Variants in MEI4 observed in about 807,000 individuals in gnomAD.
MEI4 encodes the protein meiosis-specific protein MEI4.
In MEI4, 27 loss-of-function variants were observed where a neutral mutation model predicts 31.4. That is an observed-to-expected ratio of 0.86 (90% confidence interval 0.63 to 1.19). The LOEUF is 1.19. Among genes scored for constraint, MEI4 ranks in the 50% most tolerant of loss-of-function variants. MEI4 has a pLI of 0.00. For synonymous variants in MEI4, 122 were observed against 145.4 expected, an observed-to-expected ratio of 0.84 and a Z score of 1.16; for missense variants, 329 against 398.9, an observed-to-expected ratio of 0.82 and a Z score of 1.49.
Position 77,830,683 on chromosome 6 carries a change from G to A in MEI4, c.900+1621G>A, listed in dbSNP as rs1770056829. On this transcript the variant is annotated intron_variant, in intron 4 of 4. Transcript: ENST00000684080. ...GGCAGTATTTAATAATTGGTGCCAG[G>A]AAAACTGGATATCCATATGCAAAAG... Among the ~76,000 whole-genome samples, 5 of 152,060 alleles carry A rather than the reference G, an allele frequency of 3.3e-5. No individual in the cohort carries two copies. The South Asian group carries it at 8.3e-4, about 25-fold the overall frequency.
chr6:77,885,686 T>C (rs890011806), intron 4 of MEI4, among the ~76,000 whole-genome samples: 3 of 152,210 alleles, frequency 2.0e-5, no homozygotes, highest in African/African-American at 7.2e-5. Context: ...TTGCTCTGTC[T>C]AGAACTTCCA....
chr6:77,778,544 T>A (rs935182248), intron 3 of MEI4, among the ~76,000 whole-genome samples: 26 of 151,296 alleles, frequency 1.7e-4, no homozygotes, highest in African/African-American at 6.3e-4. Flanking sequence ...CTACTAAAAA[T>A]ACAAAAAAAT....
At chr6:77,780,945 G>C (rs1352657352) in intron 3 of MEI4, among the ~76,000 whole-genome samples, 1 of 151,986 alleles carries the variant, frequency 6.6e-6, no homozygotes, top group Non-Finnish European at 1.5e-5. Flanking sequence ...GAAGTGCAGT[G>C]GTGTGATCAT....
chr6:77,741,304 T>C (rs1457098434), intron 2 of MEI4, among the ~76,000 whole-genome samples: 1 of 152,166 alleles, frequency 6.6e-6, no homozygotes, highest in Non-Finnish European at 1.5e-5. Context: ...AACTCTGTCC[T>C]GTAAGGTATG....
At chr6:77,709,926 G>T (rs373613955) in intron 2 of MEI4, among the ~76,000 whole-genome samples, 1 of 152,102 alleles carries the variant, frequency 6.6e-6, no homozygotes, top group African/African-American at 2.4e-5. Context: ...TTTGTCTTCC[G>T]AGCAGAAATC....
At chr6:77,866,425 A>G (rs1205403355) in intron 4 of MEI4, among the ~76,000 whole-genome samples, 1 of 152,212 alleles carries the variant, frequency 6.6e-6, no homozygotes, top group Non-Finnish European at 1.5e-5. Flanking sequence ...AAGCATTCTT[A>G]TACACCAATA....
chr6:77,825,782 TCA>T (rs371665881), intron 3 of MEI4, among the ~76,000 whole-genome samples: 12 of 152,354 alleles, frequency 7.9e-5, no homozygotes, highest in African/African-American at 2.9e-4. Flanking sequence ...CTTGATCTAC[TCA>T]CAGTATCTGT....
intron 1 of MEI4, among the ~76,000 whole-genome samples, chr6:77,659,033 A>T (rs1399258441): frequency 7.2e-5 from 11 of 152,250 alleles, no homozygotes; most frequent in South Asian, 4.1e-4. Flanking sequence ...GCAGCTAAAG[A>T]GTCAACTTGG....
intron 3 of MEI4, among the ~76,000 whole-genome samples, chr6:77,777,403 G>A (rs1768479033): frequency 6.6e-6 from 1 of 152,170 alleles, no homozygotes; most frequent in Non-Finnish European, 1.5e-5. Flanking sequence ...GGTCAGAAAT[G>A]TGCTTTGGAA....
intron 3 of MEI4, among the ~76,000 whole-genome samples, chr6:77,821,383 G>T (rs1769820180): frequency 1.3e-5 from 2 of 152,098 alleles, no homozygotes; most frequent in Non-Finnish European, 2.9e-5. Context: ...GAGTGGTTTT[G>T]TATTTGCATC....
intron 2 of MEI4, among the ~76,000 whole-genome samples, chr6:77,698,438 C>T (rs1766115709): frequency 6.6e-6 from 1 of 152,156 alleles, no homozygotes; most frequent in Non-Finnish European, 1.5e-5. Context: ...GTGCTTCCTT[C>T]AGGAGCTCTT....
At chr6:77,662,951 A>G (rs1768540674) in intron 1 of MEI4, among the ~76,000 whole-genome samples, 1 of 152,188 alleles carries the variant, frequency 6.6e-6, no homozygotes, top group African/African-American at 2.4e-5. Context: ...TAATTTGCTG[A>G]GCTTGATGGG....
intron 3 of MEI4, among the ~76,000 whole-genome samples, chr6:77,804,670 T>C (rs1189924710): frequency 1.3e-5 from 2 of 152,226 alleles, no homozygotes; most frequent in Non-Finnish European, 2.9e-5. Flanking sequence ...CTAGAATCAT[T>C]TGACCAGTTT....
At chr6:77,713,308 C>T (rs1020232130) in intron 2 of MEI4, among the ~76,000 whole-genome samples, 12 of 152,304 alleles carry the variant, frequency 7.9e-5, no homozygotes, top group African/African-American at 2.6e-4. Context: ...TTTCTTCTCC[C>T]TTGGCCTTGA....
At chr6:77,897,638 A>C (rs757983556) in intron 4 of MEI4, among the ~76,000 whole-genome samples, 12 of 152,036 alleles carry the variant, frequency 7.9e-5, no homozygotes, top group Non-Finnish European at 1.5e-4. Context: ...AGAACTTTTC[A>C]TCAAAGTTAT....
chr6:77,761,908 C>T (rs1768055433), intron 3 of MEI4, among the ~76,000 whole-genome samples: 1 of 152,142 alleles, frequency 6.6e-6, no homozygotes, highest in African/African-American at 2.4e-5. Flanking sequence ...CTTTGAATTA[C>T]TTTCTCTGTT....
intron 2 of MEI4, among the ~76,000 whole-genome samples, chr6:77,695,274 C>A (rs1278574663): frequency 6.6e-6 from 1 of 151,914 alleles, no homozygotes; most frequent in Non-Finnish European, 1.5e-5. Flanking sequence ...TGAATTAGAT[C>A]CCATTTGTCA....
At chr6:77,781,432 T>A (rs956269007) in intron 3 of MEI4, among the ~76,000 whole-genome samples, 5 of 152,168 alleles carry the variant, frequency 3.3e-5, no homozygotes, top group Admixed American at 1.3e-4. Context: ...CTGCTCAAAA[T>A]GTGGTCCATA....
chr6:77,657,732 A>G (rs1184245534), intron 1 of MEI4, among the ~76,000 whole-genome samples: 3 of 151,960 alleles, frequency 2.0e-5, no homozygotes, highest in Non-Finnish European at 4.4e-5. Context: ...CCCTAATACC[A>G]TATTCTTTAG....
Sources: allele counts gnomAD v4.1 joint callset (sites outside exome capture counted in the v4.1 genomes callset), GRCh38; gene constraint gnomAD v4.1.1; transcripts MANE v1.5; gene names NCBI Gene and HGNC (gene_info 2026-07-23, HGNC 2026-07-21).